Variants in RPS6KA2 observed in about 807,000 individuals in gnomAD.
RPS6KA2 encodes ribosomal protein S6 kinase A2.
RPS6KA2 carries 42 observed loss-of-function variants against 91.8 expected under a neutral mutation model. That is an observed-to-expected ratio of 0.46 (90% CI 0.36 to 0.59). The LOEUF is 0.59. Ranked by LOEUF, RPS6KA2 falls within the 20% of genes least tolerant of loss-of-function variation. The pLI is 0.00. For synonymous variants in RPS6KA2, 414 were observed against 393.6 expected, an observed-to-expected ratio of 1.05 and a Z score of -0.61; for missense variants, 798 against 978.5, an observed-to-expected ratio of 0.82 and a Z score of 2.46.
rs1455296192 is a variant in RPS6KA2, at chr6:166,635,164, C to T, written c.124-96380G>A. On this transcript the variant is annotated intron_variant, in intron 2 of 21. Coordinates refer to the RPS6KA2 transcript ENST00000503859. This position sits in a 1 kb window ranked among gnomAD's most constrained non-coding sequence, Gnocchi z 4.8. ...GTGACTCACTAATTATCAATCACTT[C>T]TCTCCCACGTACACCTTGGCATGAA... Among the ~76,000 whole-genome samples, 1 of 152,230 alleles carries T rather than the reference C, an allele frequency of 6.6e-6. No individual in the cohort carries two copies. Among genetic ancestry groups the T allele is most frequent in the Non-Finnish European group, 1.5e-5 (1 of 68,050 alleles).
At chr6:166,727,259 G>A (rs147576201) in intron 2 of RPS6KA2, among the ~76,000 whole-genome samples, 118 of 151,924 alleles carry the variant, frequency 7.8e-4, no homozygotes, top group African/African-American at 2.7e-3. Context: ...TGAAAGTAAT[G>A]CAGTTTACAT....
At chr6:166,462,331 C>T (rs3817796) in intron 11 of RPS6KA2, among the ~76,000 whole-genome samples, 23,299 of 152,166 alleles carry the variant, frequency 0.15, 2,136 homozygotes, top group East Asian at 0.42. Flanking sequence ...CCTCGTCCAC[C>T]GATGGGGCAG....
intron 2 of RPS6KA2, among the ~76,000 whole-genome samples, chr6:166,698,154 T>A (rs1212775806): frequency 6.6e-6 from 1 of 152,094 alleles, no homozygotes; most frequent in Non-Finnish European, 1.5e-5. Flanking sequence ...CACAAAAATA[T>A]AAAAAATCCG....
chr6:166,670,072 C>G (rs1207315524), intron 2 of RPS6KA2, among the ~76,000 whole-genome samples: 1 of 152,248 alleles, frequency 6.6e-6, no homozygotes, highest in East Asian at 1.9e-4. Flanking sequence ...ATGAGCCTCA[C>G]AGAGGTGCAA....
intron 9 of RPS6KA2, among the ~76,000 whole-genome samples, chr6:166,489,821 G>A (rs1425882973): frequency 6.6e-6 from 1 of 152,212 alleles, no homozygotes; most frequent in East Asian, 1.9e-4. Flanking sequence ...AAGCTGAGCT[G>A]GTGGTGTTTT....
chr6:166,549,902 C>A (rs923409539), intron 1 of RPS6KA2, among the ~76,000 whole-genome samples: 1 of 152,206 alleles, frequency 6.6e-6, no homozygotes, highest in African/African-American at 2.4e-5. Context: ...CCGGCTGAAG[C>A]ACAAAGGACC....
chr6:166,481,710 G>A (rs1326871303), intron 10 of RPS6KA2, among the ~76,000 whole-genome samples: 1 of 151,304 alleles, frequency 6.6e-6, no homozygotes, highest in Non-Finnish European at 1.5e-5. Context: ...GCTCTGCTGA[G>A]TTCTCTGATA....
intron 10 of RPS6KA2, among the ~76,000 whole-genome samples, chr6:166,483,085 G>A (rs1287098646): frequency 1.3e-5 from 2 of 152,206 alleles, no homozygotes; most frequent in Non-Finnish European, 2.9e-5. Context: ...TGAAGACTGC[G>A]GGGAGCCTTT....
Position 166,437,326 on chromosome 6 carries a change from G to A in RPS6KA2, c.1333-4836C>T, listed in dbSNP as rs1378215328. On this transcript the variant is annotated intron_variant, in intron 14 of 20. Coordinates refer to ENST00000265678, the MANE Select transcript of RPS6KA2 (RefSeq NM_021135.6). The surrounding 1 kb of genome is among the most constrained non-coding windows in gnomAD (Gnocchi z 4.3). ...TCTGGTGGACGGCGTTCCTCATTCT[G>A]AGAATAATATTGTTTTATAATCTTT... Among the ~76,000 whole-genome samples, 1 of 152,178 alleles carries A rather than the reference G, an allele frequency of 6.6e-6. No homozygotes were observed. The highest frequency in any genetic ancestry group is 1.5e-5 in the Non-Finnish European group (1 of 68,036).
intron 2 of RPS6KA2, among the ~76,000 whole-genome samples, chr6:166,718,491 G>A (rs751917118): frequency 4.6e-5 from 7 of 152,192 alleles, no homozygotes; most frequent in Admixed American, 6.5e-5. Flanking sequence ...AGTAATAGTT[G>A]TAAGGCCATA....
chr6:166,719,756 A>G (rs1239164102), intron 2 of RPS6KA2, among the ~76,000 whole-genome samples: 1 of 152,246 alleles, frequency 6.6e-6, no homozygotes, highest in Non-Finnish European at 1.5e-5. Context: ...AAAGCCGACT[A>G]CTTTCGGCTC....
At chr6:166,670,400 C>T (rs1562374286) in intron 2 of RPS6KA2, among the ~76,000 whole-genome samples, 1 of 152,248 alleles carries the variant, frequency 6.6e-6, no homozygotes, top group East Asian at 1.9e-4. Context: ...GCTGCAGCCA[C>T]ACTTCTGCCC....
chr6:166,833,772 C>A (rs551970290), intron 2 of RPS6KA2, among the ~76,000 whole-genome samples: 1 of 152,362 alleles, frequency 6.6e-6, no homozygotes, highest in South Asian at 2.1e-4. Flanking sequence ...ACGAGTTTAT[C>A]ATTTGAGCAG....
At chr6:166,694,075 G>A (rs544636793) in intron 2 of RPS6KA2, among the ~76,000 whole-genome samples, 3 of 152,326 alleles carry the variant, frequency 2.0e-5, no homozygotes, top group South Asian at 4.1e-4. Context: ...TTGACAAGAC[G>A]ATGGCGAACC....
chr6:166,550,774 G>A (rs572535953), intron 1 of RPS6KA2, among the ~76,000 whole-genome samples: 66 of 152,058 alleles, frequency 4.3e-4, no homozygotes, highest in Non-Finnish European at 7.4e-4. Flanking sequence ...AGGCCAAGGC[G>A]GTCAGATCAC....
intron 3 of RPS6KA2, among the ~76,000 whole-genome samples, chr6:166,513,072 G>T (rs399851): frequency 0.47 from 71,722 of 152,066 alleles, 19,984 homozygotes; most frequent in East Asian, 0.65. Context: ...ACTAGCTATA[G>T]CTGATGAGCT....
At chr6:166,476,369 G>T (rs1030808145) in intron 10 of RPS6KA2, among the ~76,000 whole-genome samples, 2 of 152,170 alleles carry the variant, frequency 1.3e-5, no homozygotes, top group Non-Finnish European at 1.5e-5. Context: ...TGTCAAGGCT[G>T]CCCCAAGAAA....
At chr6:166,622,000 G>A (rs930699506) in intron 1 of RPS6KA2, among the ~76,000 whole-genome samples, 1 of 152,160 alleles carries the variant, frequency 6.6e-6, no homozygotes, top group Non-Finnish European at 1.5e-5. Context: ...TGAAATTCCA[G>A]GTAAATGGTA....
intron 1 of RPS6KA2, among the ~76,000 whole-genome samples, chr6:166,620,754 T>TTATTA (rs1786595870): frequency 1.3e-5 from 2 of 152,222 alleles, no homozygotes; most frequent in Admixed American, 1.3e-4. Flanking sequence ...CACATTTCAC[T>TTATTA]GATGAAGCAT....
Sources: allele counts gnomAD v4.1 joint callset (sites outside exome capture counted in the v4.1 genomes callset), GRCh38; gene constraint gnomAD v4.1.1; non-coding constraint Gnocchi (gnomAD v3.1); transcripts MANE v1.5; gene names NCBI Gene and HGNC (gene_info 2026-07-23, HGNC 2026-07-21).